The following ST6GAL1 variants were observed in gnomAD, a reference collection of about 807,000 sequenced individuals.
ST6GAL1 encodes the protein ST6 beta-galactoside alpha-2,6-sialyltransferase 1, also known as beta-galactoside alpha-2,6-sialyltransferase 1.
In ST6GAL1, 20 loss-of-function variants were observed where a neutral mutation model predicts 38.0. The ratio of observed to expected loss-of-function variants is 0.53; its 90% CI spans 0.37 to 0.77. The LOEUF (loss-of-function observed/expected upper bound fraction) is 0.77. ST6GAL1 is among the 30% of genes least tolerant of loss of function. The pLI, the probability that ST6GAL1 is intolerant of heterozygous loss-of-function variation, is 0.00. For missense variants in ST6GAL1, 432 were observed against 496.4 expected (o/e 0.87, Z 1.23); for synonymous variants, 196 against 188.2 (o/e 1.04, Z -0.34).
At position 187,000,064 on chromosome 3, in the gene ST6GAL1, C is replaced by T. The variant is rs182696824; in HGVS notation, c.-183+36138C>T. 2.3e-3 allele frequency among the ~76,000 whole-genome samples: 344 copies of T among 150,388 alleles called. 1 individual carries two copies. Among genetic ancestry groups the T allele is most frequent in the African/African-American group, 8.1e-3 (327 of 40,466 alleles). On this transcript the variant is annotated intron_variant, in intron 2 of 7. Coordinates refer to ENST00000169298, the MANE Select transcript of ST6GAL1 (RefSeq NM_173216.2). ...CGGATCTTGAACCTCTGGCCTCCAGCATTCTTCCTGCCTTGGCCTCTCAAA... is the reference window on the plus strand; with the variant it reads ...CGGATCTTGAACCTCTGGCCTCCAGTATTCTTCCTGCCTTGGCCTCTCAAA...
At chr3:186,998,913 C>T (rs887728551) in intron 2 of ST6GAL1, among the ~76,000 whole-genome samples, 1 of 152,252 alleles carries the variant, frequency 6.6e-6, no homozygotes, top group East Asian at 1.9e-4. Flanking sequence ...TATTACAGAA[C>T]TATCTAATGG....
At chr3:187,044,639 G>A (rs1718236604) in intron 4 of ST6GAL1, among the ~76,000 whole-genome samples, 1 of 152,170 alleles carries the variant, frequency 6.6e-6, no homozygotes, top group African/African-American at 2.4e-5. Flanking sequence ...TGTAGCAAAT[G>A]TTTGGGATAT....
rs544031146 is a variant in ST6GAL1 at position 187,043,189 on chromosome 3, C to T, written c.486C>T (p.Thr162=). 3 of 1,614,184 alleles carry T rather than the reference C, an allele frequency of 1.9e-6. No homozygotes were observed. Among genetic ancestry groups the T allele is most frequent in the Non-Finnish European group, 2.5e-6 (3 of 1,180,020 alleles). ...AGGTCACAGATTTTCCCTTCAATAC[C>T]TCTGAATGGGAGGGTTATCTGCCCA... ...MVEVTDFPFN[T]SEWEGYLPKE... The change falls in exon 4 of 8, where the codon ACC becomes ACT. Residue 162 remains threonine (T), a synonymous_variant. Transcript: ENST00000169298.
chr3:187,044,083 C>T lies in ST6GAL1; in HGVS notation c.607+773C>T, dbSNP rs572776912. On this transcript the variant is annotated intron_variant, in intron 4 of 7. Coordinates refer to ENST00000169298, the MANE Select transcript of ST6GAL1 (RefSeq NM_173216.2). ...GGGAGTTTGTAGACTGCAGTTTATT[C>T]TCTAAGGGATCTGTGACCCAAAAAA... 3.6e-4 allele frequency among the ~76,000 whole-genome samples: 55 copies of T among 152,280 alleles called. 1 individual carries two copies. In the South Asian group the frequency reaches 0.011, roughly 31 times the overall value.
chr3:187,056,434 T>C (rs916128632), intron 5 of ST6GAL1, among the ~76,000 whole-genome samples: 3 of 152,254 alleles, frequency 2.0e-5, no homozygotes, highest in Admixed American at 1.3e-4. Flanking sequence ...TTGCAGTGGC[T>C]GGTACCAGTT....
At chr3:186,993,910 A>G (rs909423791) in intron 2 of ST6GAL1, among the ~76,000 whole-genome samples, 1 of 152,202 alleles carries the variant, frequency 6.6e-6, no homozygotes, top group African/African-American at 2.4e-5. Flanking sequence ...GATAATAATC[A>G]TCATCATAAT....
intron 2 of ST6GAL1, among the ~76,000 whole-genome samples, chr3:186,979,028 A>G (rs559655600): frequency 1.3e-4 from 20 of 151,970 alleles, no homozygotes; most frequent in Non-Finnish European, 2.4e-4. Flanking sequence ...AATGCTTTAC[A>G]TGATTTTCCA....
intron 1 of ST6GAL1, among the ~76,000 whole-genome samples, chr3:186,942,899 C>T (rs1480235528): frequency 6.6e-6 from 1 of 152,202 alleles, no homozygotes; most frequent in African/African-American, 2.4e-5. Flanking sequence ...GATGAGGTTT[C>T]GCCGTGTTGG....
intron 1 of ST6GAL1, among the ~76,000 whole-genome samples, chr3:186,945,815 T>C (rs1462138264): frequency 6.8e-6 from 1 of 147,752 alleles, no homozygotes; most frequent in East Asian, 2.0e-4. Flanking sequence ...TGAAACCCTG[T>C]CTCTACCAAA....
intron 3 of ST6GAL1, among the ~76,000 whole-genome samples, chr3:187,042,309 G>C (rs1001137026): frequency 6.6e-6 from 1 of 151,930 alleles, no homozygotes; most frequent in Admixed American, 6.6e-5. Context: ...CTGACTTCAA[G>C]AAACTCAGAG....
rs74984565 is a variant in ST6GAL1, at chr3:187,047,418, A to G, written c.608-3831A>G. The stretch of plus-strand genomic sequence containing the variant: ...ATTTCTTTCATAATAATTTCTAGCT[A>G]TTTAGAGTTAACTACACCTAGAGGC... On this transcript the variant is annotated intron_variant, in intron 4 of 7. Coordinates refer to ENST00000169298, the MANE Select transcript of ST6GAL1 (RefSeq NM_173216.2). 8.0e-4 allele frequency among the ~76,000 whole-genome samples: 122 copies of G among 152,298 alleles called. 2 individuals carry two copies. The East Asian group carries it at 0.021, about 26-fold the overall frequency.
intron 5 of ST6GAL1, among the ~76,000 whole-genome samples, chr3:187,052,768 G>C (rs868688589): frequency 6.6e-6 from 1 of 152,206 alleles, no homozygotes; most frequent in South Asian, 2.1e-4. Context: ...ACGTGTGCAT[G>C]TGTCTTTATA....
chr3:186,945,903 A>G (rs527501978), intron 1 of ST6GAL1, among the ~76,000 whole-genome samples: 4 of 146,394 alleles, frequency 2.7e-5, no homozygotes, highest in African/African-American at 1.0e-4. Context: ...AGGCAGGAGA[A>G]TGGTGTGAAC....
chr3:187,012,949 T>A (rs1717004282), intron 2 of ST6GAL1, among the ~76,000 whole-genome samples: 1 of 152,164 alleles, frequency 6.6e-6, no homozygotes. Flanking sequence ...TCTGTGGAAA[T>A]GAAAGCAAAT....
intron 4 of ST6GAL1, 135 bp downstream of exon 4, chr3:187,043,445 A>C: frequency 7.7e-7 from 1 of 1,306,490 alleles, no homozygotes; most frequent in Non-Finnish European, 1.0e-6. Flanking sequence ...TTTTTTTCAG[A>C]GTCACAAGTG....
rs555045187 is a variant in ST6GAL1 at position 187,070,639 on chromosome 3, G to A, written c.706-2210G>A. Reference sequence around the variant, plus strand: ...GGGGTTTCACCATGTTGGCCAGGATGGTCTCAATCTCTTGACCTTGTGATC... The same window carrying A: ...GGGGTTTCACCATGTTGGCCAGGATAGTCTCAATCTCTTGACCTTGTGATC... On this transcript the variant is annotated intron_variant, in intron 5 of 7. Transcript: ENST00000169298. Among the ~76,000 whole-genome samples the A allele has an allele frequency of 5.9e-5, 9 of 151,954 alleles. No individual in the cohort carries two copies. In the East Asian group the frequency reaches 1.6e-3, roughly 26 times the overall value.
At chr3:186,990,866 A>T (rs141835886) in intron 2 of ST6GAL1, among the ~76,000 whole-genome samples, 1 of 150,874 alleles carries the variant, frequency 6.6e-6, no homozygotes, top group Non-Finnish European at 1.5e-5. Context: ...ACCCAGGAGC[A>T]GCTGACCTAG....
intron 2 of ST6GAL1, among the ~76,000 whole-genome samples, chr3:186,969,268 G>T (rs1176132546): frequency 6.6e-6 from 1 of 152,040 alleles, no homozygotes; most frequent in Admixed American, 6.6e-5. Context: ...AGCCAGGCTG[G>T]TGTTGAACTC....
At chr3:187,072,534 C>G (rs1011260266) in intron 5 of ST6GAL1, 13 of 363,466 alleles carry the variant, frequency 3.6e-5, no homozygotes, top group Admixed American at 1.1e-4. Context: ...GACCACCACA[C>G]AAGCTGTGAC....
Sources: gnomAD v4.1 joint callset for allele counts (sites outside exome capture counted in the v4.1 genomes callset) on GRCh38, gnomAD v4.1.1 for gene constraint, MANE v1.5 for transcripts, NCBI Gene and HGNC (gene_info 2026-07-23, HGNC 2026-07-21) for gene names.